Variants in ABCA8 observed in about 807,000 individuals in gnomAD.
ABCA8 encodes ABC-type organic anion transporter ABCA8.
Under a neutral mutation model 192.3 loss-of-function variants are expected in ABCA8, and 177 were observed. The ratio of observed to expected loss-of-function variants is 0.92; its 90% CI spans 0.81 to 1.04. The LOEUF is 1.04. ABCA8 is among the 50% of genes least tolerant of loss of function. The pLI is 0.00. For missense variants in ABCA8, 1,915 were observed against 1,904.8 expected (o/e 1.01, Z -0.10); for synonymous variants, 642 against 690.2 (o/e 0.93, Z 1.09).
chr17:68,922,225 T>C lies in ABCA8; in HGVS notation c.1501+17A>G, dbSNP rs762136470. 84 of 477,278 alleles carry C rather than the reference T, an allele frequency of 1.8e-4. No homozygotes were observed. Among genetic ancestry groups the C allele is most frequent in the African/African-American group, 1.0e-3 (42 of 41,858 alleles). The allele number at this position is 477,278 out of a possible 1,614,324, so 29.6% of individuals were successfully genotyped here. A position where few individuals can be genotyped will look rare whatever the true frequency, so the allele number is the denominator to read the frequency against. ...TTTTTTTTTTTTTTTTTTTTTTTTT[T>C]TTTTTTTTTTTTTTACCTTTCAAGG... On this transcript the variant is annotated intron_variant, in intron 12 of 39. Transcript: ENST00000586539.
chr17:68,933,388 T>C (rs1462490566), intron 5 of ABCA8, 117 bp from the exon 6 acceptor site: 3 of 634,410 alleles, frequency 4.7e-6, no homozygotes, highest in Non-Finnish European at 8.2e-6. Context: ...ATTCCAAATG[T>C]TCTTATTTTG....
chr17:68,890,316 T>C (rs1048373146), intron 24 of ABCA8, among the ~76,000 whole-genome samples: 1 of 152,218 alleles, frequency 6.6e-6, no homozygotes, highest in Non-Finnish European at 1.5e-5. Context: ...CATCTTTTCA[T>C]GGGAGTATTT....
At chr17:68,907,468 T>C (rs560994408) in intron 18 of ABCA8, among the ~76,000 whole-genome samples, 2 of 152,104 alleles carry the variant, frequency 1.3e-5, no homozygotes, top group South Asian at 4.2e-4. Flanking sequence ...TGTGTACATT[T>C]ATGAATACTA....
intron 6 of ABCA8, 33 bp downstream of exon 6, chr17:68,933,135 A>T: frequency 7.1e-7 from 1 of 1,416,962 alleles, no homozygotes; most frequent in South Asian, 1.2e-5. Flanking sequence ...ACTTGCATTA[A>T]ACATTAGTTT....
intron 1 of ABCA8, among the ~76,000 whole-genome samples, chr17:68,954,834 C>G (rs1166134457): frequency 6.6e-6 from 1 of 152,154 alleles, no homozygotes; most frequent in Admixed American, 6.5e-5. Flanking sequence ...CATTATTGTG[C>G]AATCAAAGTA....
chr17:68,932,536 CA>C, intron 6 of ABCA8, 22 bp from the exon 7 acceptor site: 1 of 1,541,988 alleles, frequency 6.5e-7, no homozygotes, highest in Non-Finnish European at 9.0e-7. Flanking sequence ...CATTAATAAG[CA>C]AAATTTGTAC....
intron 4 of ABCA8, among the ~76,000 whole-genome samples, chr17:68,938,741 C>T (rs2068143248): frequency 6.6e-6 from 1 of 152,068 alleles, no homozygotes; most frequent in Non-Finnish European, 1.5e-5. Context: ...TACATCCAAC[C>T]ATCAATTCTG....
intron 29 of ABCA8, among the ~76,000 whole-genome samples, chr17:68,883,380 C>A (rs540688110): frequency 1.1e-4 from 17 of 152,280 alleles, no homozygotes; most frequent in South Asian, 1.0e-3. Flanking sequence ...AATAACTGAA[C>A]CAGTCTGTGA....
intron 21 of ABCA8, among the ~76,000 whole-genome samples, chr17:68,895,602 G>C (rs1479939788): frequency 3.3e-5 from 5 of 152,164 alleles, no homozygotes; most frequent in African/African-American, 1.2e-4. Flanking sequence ...TTGAGCCACA[G>C]CCTGATCCGT....
chr17:68,884,455 C>T, intron 27 of ABCA8, 59 bp from the exon 28 acceptor site: 1 of 1,520,932 alleles, frequency 6.6e-7, no homozygotes. Context: ...ATTTTGTCCA[C>T]ATATACGTGA....
chr17:68,903,051 C>T (rs889783191), intron 20 of ABCA8, among the ~76,000 whole-genome samples, 172 bp from the exon 21 acceptor site: 8 of 152,096 alleles, frequency 5.3e-5, no homozygotes, highest in African/African-American at 1.2e-4. Context: ...GATGTTAAAC[C>T]GTAGATTTGT....
chr17:68,917,229 G>A (rs1301806237), intron 17 of ABCA8, 132 bp downstream of exon 17: 2 of 553,188 alleles, frequency 3.6e-6, no homozygotes, highest in African/African-American at 1.9e-5. Context: ...CGAGATGATC[G>A]ATACTCCGTC....
intron 22 of ABCA8, among the ~76,000 whole-genome samples, 165 bp from the exon 23 acceptor site, chr17:68,894,475 G>A (rs2066696974): frequency 6.6e-6 from 1 of 152,146 alleles, no homozygotes; most frequent in African/African-American, 2.4e-5. Flanking sequence ...TACTGTATAA[G>A]TAAATCAAAA....
chr17:68,899,004 T>C (rs746816540), intron 21 of ABCA8, among the ~76,000 whole-genome samples: 23 of 152,244 alleles, frequency 1.5e-4, no homozygotes, highest in Middle Eastern at 3.4e-3. Flanking sequence ...GTTACATTAA[T>C]CTTAAATCTG....
chr17:68,923,695 T>C lies in ABCA8; in HGVS notation c.1442+1006A>G, dbSNP rs182257591. On this transcript the variant is annotated intron_variant, in intron 11 of 39. Coordinates refer to ENST00000586539, the MANE Select transcript of ABCA8 (RefSeq NM_001288985.2). ...CTTAGTTGTGGGACAAATAAAAATATGGAAGATAAATATGGAACAGGTTAA... is the reference window on the plus strand; with the variant it reads ...CTTAGTTGTGGGACAAATAAAAATACGGAAGATAAATATGGAACAGGTTAA... Among the ~76,000 whole-genome samples the C allele has an allele frequency of 2.7e-3, 409 of 152,204 alleles. 3 individuals are homozygous for C. The highest frequency in any genetic ancestry group is 9.3e-3 in the African/African-American group (387 of 41,524).
rs186307556 is a variant in ABCA8 at position 68,942,309 on chromosome 17, C to T, written c.-5-270G>A. ...CTAAATTCACTCTGCATAGCCTGCTCTATAAAAATGGATCTGAATCCTTTA... is the reference window on the plus strand; with the variant it reads ...CTAAATTCACTCTGCATAGCCTGCTTTATAAAAATGGATCTGAATCCTTTA... On this transcript the variant is annotated intron_variant, in intron 2 of 39. Coordinates refer to ENST00000586539, the MANE Select transcript of ABCA8 (RefSeq NM_001288985.2). Among the ~76,000 whole-genome samples, 221 of 152,288 alleles carry T rather than the reference C, an allele frequency of 1.5e-3. 1 individual carries two copies. Among genetic ancestry groups the T allele is most frequent in the Non-Finnish European group, 2.4e-3 (164 of 68,014 alleles).
chr17:68,899,809 T>C (rs758053504), intron 21 of ABCA8, among the ~76,000 whole-genome samples: 1 of 151,918 alleles, frequency 6.6e-6, no homozygotes, highest in African/African-American at 2.4e-5. Flanking sequence ...ACTTAGAAAA[T>C]CACAAATTTT....
intron 16 of ABCA8, 137 bp from the exon 17 acceptor site, chr17:68,917,588 G>A (rs2067407923): frequency 3.4e-6 from 2 of 580,510 alleles, no homozygotes; most frequent in East Asian, 2.8e-5. Flanking sequence ...ACTCGATAAG[G>A]ACTCAATGAA....
intron 19 of ABCA8, 121 bp from the exon 20 acceptor site, chr17:68,903,620 T>C (rs2066974994): frequency 4.9e-6 from 4 of 818,456 alleles, no homozygotes; most frequent in African/African-American, 3.5e-5. Flanking sequence ...GTGGTTTTGC[T>C]GGTTACTGCC....
Sources: allele counts gnomAD v4.1 joint callset (sites outside exome capture counted in the v4.1 genomes callset), GRCh38; gene constraint gnomAD v4.1.1; transcripts MANE v1.5; gene names NCBI Gene and HGNC (gene_info 2026-07-23, HGNC 2026-07-21).